The following GRK5 variants were observed in gnomAD, a reference collection of about 807,000 sequenced individuals.
GRK5 encodes G protein-coupled receptor kinase 5, also known as g protein-coupled receptor kinase GRK5.
A neutral mutation model predicts 78.4 loss-of-function variants in GRK5; 40 were observed. The ratio of observed to expected loss-of-function variants is 0.51; its 90% CI spans 0.40 to 0.66. GRK5 has a LOEUF of 0.66. Among genes scored for constraint, GRK5 ranks in the 30% least tolerant of loss-of-function variants. GRK5 has a pLI of 0.00. For missense variants in GRK5, 598 were observed against 759.9 expected, an observed-to-expected ratio of 0.79 and a Z score of 2.50; for synonymous variants, 289 against 296.8, an observed-to-expected ratio of 0.97 and a Z score of 0.27.
chr10:119,238,519 A>T lies in GRK5; in HGVS notation c.52+30550A>T, dbSNP rs550480747. Reference sequence around the variant, plus strand: ...CTGGAACTGCGTTTAGTCTCAGTACATTAGGATTATTGCTAGAAATAAAGC... The same window carrying T: ...CTGGAACTGCGTTTAGTCTCAGTACTTTAGGATTATTGCTAGAAATAAAGC... On this transcript the variant is annotated intron_variant, in intron 1 of 15. Transcript: ENST00000392870. The surrounding 1 kb of genome is among the most constrained non-coding windows in gnomAD (Gnocchi z 4.7). 6.6e-6 allele frequency among the ~76,000 whole-genome samples: 1 copy of T among 152,198 alleles called. No homozygotes were observed. Among genetic ancestry groups the T allele is most frequent in the South Asian group, 2.1e-4 (1 of 4,820 alleles).
intron 1 of GRK5, among the ~76,000 whole-genome samples, chr10:119,254,570 G>T (rs1250466350): frequency 3.3e-5 from 5 of 151,956 alleles, no homozygotes; most frequent in Non-Finnish European, 7.4e-5. Context: ...TATGGGGAGG[G>T]AGAAGGGGTG....
rs148355122 is a variant in GRK5 at position 119,280,674 on chromosome 10, C to T, written c.53-45842C>T. On this transcript the variant is annotated intron_variant, in intron 1 of 15. Transcript: ENST00000392870. Reference sequence around the variant, plus strand: ...GAATTGCTAGATGCTATGGTAATTCCGTGTTTAATTTTTTGAGGCACTGCC... The same window carrying T: ...GAATTGCTAGATGCTATGGTAATTCTGTGTTTAATTTTTTGAGGCACTGCC... Among the ~76,000 whole-genome samples the T allele has an allele frequency of 1.1e-3, 173 of 152,152 alleles. 2 individuals are homozygous for T. Among genetic ancestry groups the T allele is most frequent in the African/African-American group, 3.8e-3 (157 of 41,530 alleles).
chr10:119,239,877 C>T (rs933144303), intron 1 of GRK5, among the ~76,000 whole-genome samples: 3 of 152,130 alleles, frequency 2.0e-5, no homozygotes, highest in Non-Finnish European at 4.4e-5. Context: ...CATAGTATTC[C>T]ATGGTGTATA....
At chr10:119,345,500 C>G (rs1218969447) in intron 2 of GRK5, among the ~76,000 whole-genome samples, 1 of 152,176 alleles carries the variant, frequency 6.6e-6, no homozygotes, top group Non-Finnish European at 1.5e-5. Flanking sequence ...TACTTGTCTT[C>G]CTGCATGGAC....
chr10:119,443,666 C>T lies in GRK5; in HGVS notation c.1180C>T (p.Arg394Trp), dbSNP rs1017068765. ...PFRGRKEKVK[R>W]EEVDRRVLET... ...CCGCGGCCGCAAGGAGAAGGTGAAG[C>T]GGGAGGAGGTGGACCGCCGGGTCCT... The change falls in exon 12 of 16, where the codon CGG (arginine) becomes TGG (tryptophan). Residue 394 changes from arginine (R) to tryptophan (W), a missense_variant. Coordinates refer to ENST00000392870, the MANE Select transcript of GRK5 (RefSeq NM_005308.3). The T allele has an allele frequency of 5.0e-6, 8 of 1,613,468 alleles. No individual in the cohort carries two copies. Among genetic ancestry groups the T allele is most frequent in the East Asian group, 2.2e-5 (1 of 44,864 alleles).
intron 1 of GRK5, among the ~76,000 whole-genome samples, chr10:119,231,096 T>C (rs751961920): frequency 6.6e-6 from 1 of 152,076 alleles, no homozygotes; most frequent in African/African-American, 2.4e-5. Flanking sequence ...ACTGTAACTT[T>C]TGTGCAGCAA....
At chr10:119,339,393 C>G (rs937902532) in intron 2 of GRK5, among the ~76,000 whole-genome samples, 2 of 152,164 alleles carry the variant, frequency 1.3e-5, no homozygotes, top group Non-Finnish European at 2.9e-5. Flanking sequence ...ATTTATTTGC[C>G]AGAGCTCAGG....
At chr10:119,281,506 G>A (rs562498481) in intron 1 of GRK5, among the ~76,000 whole-genome samples, 13 of 152,296 alleles carry the variant, frequency 8.5e-5, no homozygotes, top group Non-Finnish European at 1.6e-4. Flanking sequence ...GCTCACCCCT[G>A]GTGCTTGTAT....
chr10:119,310,065 A>C (rs1850334088), intron 1 of GRK5, among the ~76,000 whole-genome samples: 1 of 152,178 alleles, frequency 6.6e-6, no homozygotes, highest in Non-Finnish European at 1.5e-5. Context: ...GTACACGGTC[A>C]TGTCCACATG....
rs1196251641 is a variant in GRK5 at position 119,207,654 on chromosome 10, G to T, written c.-264G>T. The T allele has an allele frequency of 2.5e-5, 10 of 392,610 alleles. No individual in the cohort carries two copies. Among genetic ancestry groups the T allele is most frequent in the Non-Finnish European group, 4.6e-5 (10 of 219,584 alleles). 24.3% of individuals were successfully genotyped at this position (392,610 alleles called of 1,614,324 possible). A position where few individuals can be genotyped will look rare whatever the true frequency, so the allele number is the denominator to read the frequency against. On this transcript the variant is annotated 5_prime_UTR_variant, in exon 1 of 16. Coordinates refer to ENST00000392870, the MANE Select transcript of GRK5 (RefSeq NM_005308.3). ...CAGAGACACGCGGAGGGTGGGGGGT[G>T]GGGGGGAGCGTGTTGAGGGAGGGGG...
intron 3 of GRK5, 86 bp from the exon 4 acceptor site, chr10:119,396,609 A>T (rs1384434964): frequency 4.3e-6 from 5 of 1,172,766 alleles, no homozygotes; most frequent in Non-Finnish European, 6.3e-6. Context: ...CCTCTAGGGG[A>T]TTTCCTCCAG....
rs1457383503 is a variant in GRK5 at position 119,326,623 on chromosome 10, T to G, written c.148+12T>G. The stretch of plus-strand genomic sequence containing the variant: ...CCGAAGGACCATAGGTAAGCTGTCC[T>G]GCCTGGGGGCTGTGCGGGGAGTGAG... On this transcript the variant is annotated intron_variant, in intron 2 of 15. Coordinates refer to ENST00000392870, the MANE Select transcript of GRK5 (RefSeq NM_005308.3). 1 of 1,599,186 alleles carries G rather than the reference T, an allele frequency of 6.3e-7. No individual in the cohort carries two copies.
chr10:119,345,351 C>T (rs896040554), intron 2 of GRK5, among the ~76,000 whole-genome samples: 4 of 152,294 alleles, frequency 2.6e-5, no homozygotes, highest in Middle Eastern at 3.4e-3. Flanking sequence ...TTCCCAGCCC[C>T]GCAATCCAGC....
Position 119,443,555 on chromosome 10 carries a change from C to T in GRK5, c.1069C>T (p.Leu357=). Residue 357 remains leucine (L), a synonymous_variant, in exon 12 of 16, where the codon CTG becomes TTG. Coordinates refer to ENST00000392870, the MANE Select transcript of GRK5 (RefSeq NM_005308.3). Reference sequence around the variant, plus strand: ...TCCTCTGCCCCCAGCTCCAGAGGTCCTGAACAACCAGAGGTACGGCCTGAG... The same window carrying T: ...TCCTCTGCCCCCAGCTCCAGAGGTCTTGAACAACCAGAGGTACGGCCTGAG... The part of the protein sequence containing the change: ...GTVGYMAPEV[L]NNQRYGLSPD... 8 of 1,607,012 alleles carry T rather than the reference C, an allele frequency of 5.0e-6. No homozygotes were observed. The highest frequency in any genetic ancestry group is 6.8e-6 in the Non-Finnish European group (8 of 1,174,208).
chr10:119,426,811 CCACCATCATCAGCATCAT>C (rs1388444581), intron 6 of GRK5, among the ~76,000 whole-genome samples: 3 of 150,850 alleles, frequency 2.0e-5, no homozygotes, highest in Non-Finnish European at 4.4e-5. Context: ...ATCAACATCA[CCACCATCATCAGCATCAT>C]CACCATCATC....
intron 2 of GRK5, among the ~76,000 whole-genome samples, chr10:119,340,740 C>T (rs569984969): frequency 6.6e-6 from 1 of 152,300 alleles, no homozygotes; most frequent in South Asian, 2.1e-4. Context: ...GTCCTGTGGC[C>T]TTGGGAAAGC....
chr10:119,207,605 C>T lies in GRK5; in HGVS notation c.-313C>T, dbSNP rs1162968854. Reference sequence around the variant, plus strand: ...CGAGGCATTAAAGCATCCGAGGGAGCCGGAGGGGAGGAGAATGGAGTGACA... The same window carrying T: ...CGAGGCATTAAAGCATCCGAGGGAGTCGGAGGGGAGGAGAATGGAGTGACA... On this transcript the variant is annotated 5_prime_UTR_variant, in exon 1 of 16. Coordinates refer to ENST00000392870, the MANE Select transcript of GRK5 (RefSeq NM_005308.3). 2.0e-5 allele frequency: 6 copies of T among 302,922 alleles called. No individual in the cohort carries two copies. The highest frequency in any genetic ancestry group is 3.7e-5 in the Non-Finnish European group (6 of 163,590). 18.8% of individuals were successfully genotyped at this position (302,922 alleles called of 1,614,324 possible).
rs1848910870 is a variant in GRK5, at chr10:119,235,561, C to T, written c.52+27592C>T. On this transcript the variant is annotated intron_variant, in intron 1 of 15. Transcript: ENST00000392870. ...TTTTCATTGAGGGCCCCTTACAAGG[C>T]ACACTCGGGTTGTTCAGACTCCATG... 2.0e-5 allele frequency among the ~76,000 whole-genome samples: 3 copies of T among 152,100 alleles called. No homozygotes were observed. In the South Asian group the frequency reaches 6.2e-4, roughly 32 times the overall value.
chr10:119,271,025 T>C lies in GRK5; in HGVS notation c.53-55491T>C, dbSNP rs185535182. On this transcript the variant is annotated intron_variant, in intron 1 of 15. Coordinates refer to ENST00000392870, the MANE Select transcript of GRK5 (RefSeq NM_005308.3). The surrounding 1 kb of genome is among the most constrained non-coding windows in gnomAD (Gnocchi z 4.1). ...TGCATTTAAATGTCATGAGTGTTAT[T>C]ATTAGTCGTAATCTTATCTTTGTTA... Among the ~76,000 whole-genome samples the C allele has an allele frequency of 1.3e-3, 198 of 152,372 alleles. No individual in the cohort carries two copies. Among genetic ancestry groups the C allele is most frequent in the African/African-American group, 4.5e-3 (187 of 41,590 alleles).
Sources: allele counts gnomAD v4.1 joint callset (sites outside exome capture counted in the v4.1 genomes callset), GRCh38; gene constraint gnomAD v4.1.1; non-coding constraint Gnocchi (gnomAD v3.1); transcripts MANE v1.5; gene names NCBI Gene and HGNC (gene_info 2026-07-23, HGNC 2026-07-21).